B4GALT6: variants seen among roughly 807,000 people sequenced by gnomAD.
B4GALT6 encodes UDP-Gal:beta-GlcNAc beta-1,4-galactosyltransferase 6.
In B4GALT6, 14 loss-of-function variants were observed where a neutral mutation model predicts 46.3. The ratio of observed to expected loss-of-function variants is 0.30; its 90% CI spans 0.20 to 0.47. The LOEUF is 0.47. B4GALT6 is among the 20% of genes least tolerant of loss of function. B4GALT6 has a pLI of 0.99. For missense variants in B4GALT6, 386 were observed against 480.1 expected, an observed-to-expected ratio of 0.80 and a Z score of 1.83; for synonymous variants, 168 against 162.0, an observed-to-expected ratio of 1.04 and a Z score of -0.28.
intron 3 of B4GALT6, among the ~76,000 whole-genome samples, chr18:31,657,453 T>C (rs1567973300): frequency 6.6e-6 from 1 of 152,206 alleles, no homozygotes; most frequent in Non-Finnish European, 1.5e-5. Flanking sequence ...TAATTTCTCC[T>C]TTGAAACAAT....
rs990599918 is a variant in B4GALT6 at position 31,622,753 on chromosome 18, T to C, written c.*2861A>G. 6.6e-6 allele frequency: 1 copy of C among 152,060 alleles called. No homozygotes were observed. Among genetic ancestry groups the C allele is most frequent in the African/African-American group, 2.4e-5 (1 of 41,434 alleles). 9.4% of individuals were successfully genotyped at this position (152,060 alleles called of 1,614,324 possible). A position where few individuals can be genotyped will look rare whatever the true frequency, so the allele number is the denominator to read the frequency against. On this transcript the variant is annotated 3_prime_UTR_variant, in exon 9 of 9. Coordinates refer to ENST00000306851, the MANE Select transcript of B4GALT6 (RefSeq NM_004775.5). Reference sequence around the variant, plus strand: ...ACAAAAACAAAAACTTAAATGTAGATTTAAAAAATACTCATAAAACCCTAG... The same window carrying C: ...ACAAAAACAAAAACTTAAATGTAGACTTAAAAAATACTCATAAAACCCTAG...
chr18:31,636,618 T>C (rs1237942475), intron 5 of B4GALT6, among the ~76,000 whole-genome samples: 4 of 152,142 alleles, frequency 2.6e-5, no homozygotes, highest in Non-Finnish European at 5.9e-5. Context: ...GTAAAGCAAT[T>C]GGAAAGGTCA....
chr18:31,704,844 A>G, the B4GALT6 span, among the ~76,000 whole-genome samples: 1 of 152,238 alleles, frequency 6.6e-6, no homozygotes, highest in African/African-American at 2.4e-5. Context: ...GAAAATGAAA[A>G]GACTCACGTG....
chr18:31,647,919 T>C (rs2074012500), intron 3 of B4GALT6, among the ~76,000 whole-genome samples: 1 of 152,182 alleles, frequency 6.6e-6, no homozygotes, highest in Non-Finnish European at 1.5e-5. Context: ...ACAGCCACTT[T>C]CATCTCTTTC....
intron 3 of B4GALT6, among the ~76,000 whole-genome samples, chr18:31,649,369 G>A (rs1224857647): frequency 6.6e-6 from 1 of 152,062 alleles, no homozygotes; most frequent in Non-Finnish European, 1.5e-5. Flanking sequence ...GACACAGAAT[G>A]AATGAATGAA....
chr18:31,665,355 A>G (rs532622000), intron 2 of B4GALT6, among the ~76,000 whole-genome samples: 5 of 152,198 alleles, frequency 3.3e-5, no homozygotes, highest in Admixed American at 6.5e-5. Context: ...ATTTACATCA[A>G]TTCTACCATC....
chr18:31,716,510 T>C, the B4GALT6 span, among the ~76,000 whole-genome samples: 1 of 152,198 alleles, frequency 6.6e-6, no homozygotes. Flanking sequence ...CTGTGCCTCA[T>C]CTAACTCCAC....
intron 1 of B4GALT6, among the ~76,000 whole-genome samples, chr18:31,679,374 T>C (rs2074452520): frequency 1.3e-5 from 2 of 152,226 alleles, no homozygotes; most frequent in South Asian, 2.1e-4. Context: ...ATATGCTACT[T>C]AGGAATGGCA....
upstream of B4GALT6, among the ~76,000 whole-genome samples, chr18:31,687,041 T>G (rs575768142): frequency 3.3e-5 from 5 of 152,360 alleles, no homozygotes; most frequent in Admixed American, 2.6e-4. Context: ...TGAACCTAGC[T>G]GGCATAGATG....
At position 31,675,911 on chromosome 18, in the gene B4GALT6, T is replaced by C. The variant is rs1450578734; in HGVS notation, c.115+8401A>G. On this transcript the variant is annotated intron_variant, in intron 1 of 8. Coordinates refer to ENST00000306851, the MANE Select transcript of B4GALT6 (RefSeq NM_004775.5). The stretch of plus-strand genomic sequence containing the variant: ...GTTTTATAATCACCTCCAATTTACT[T>C]GTGTTTTCACAATTAAAATACCTTT... Among the ~76,000 whole-genome samples the C allele has an allele frequency of 2.0e-5, 3 of 152,318 alleles. No individual in the cohort carries two copies. The East Asian group carries it at 5.8e-4, about 29-fold the overall frequency.
the B4GALT6 span, among the ~76,000 whole-genome samples, chr18:31,710,009 T>C: frequency 1.7e-4 from 25 of 151,156 alleles, no homozygotes; most frequent in African/African-American, 6.1e-4. Flanking sequence ...ACAGGAGAAT[T>C]GCTTGAACCC....
intron 1 of B4GALT6, among the ~76,000 whole-genome samples, chr18:31,673,497 C>A (rs150641233): frequency 1.3e-5 from 2 of 152,008 alleles, no homozygotes; most frequent in East Asian, 1.9e-4. Flanking sequence ...AGGATGGACA[C>A]GGGGGACAAA....
At chr18:31,633,968 C>T (rs981218101) in intron 5 of B4GALT6, among the ~76,000 whole-genome samples, 7 of 152,168 alleles carry the variant, frequency 4.6e-5, no homozygotes, top group Admixed American at 4.6e-4. Context: ...TAAATGAAAC[C>T]GGGCTGCAGG....
intron 1 of B4GALT6, among the ~76,000 whole-genome samples, chr18:31,666,928 T>C (rs2074289750): frequency 6.6e-6 from 1 of 152,152 alleles, no homozygotes; most frequent in Non-Finnish European, 1.5e-5. Flanking sequence ...ACTTTTACAC[T>C]CCCTTTCAAT....
upstream of B4GALT6, among the ~76,000 whole-genome samples, chr18:31,688,260 C>CATATATATATATATACACAT (rs549734087): frequency 1.4e-5 from 2 of 140,786 alleles, no homozygotes; most frequent in South Asian, 4.2e-4. Context: ...TATATATATA[C>CATATATATATATATACACAT]ATATATATAT....
intron 1 of B4GALT6, among the ~76,000 whole-genome samples, chr18:31,672,906 A>G (rs917510064): frequency 2.7e-4 from 41 of 152,232 alleles, no homozygotes; most frequent in African/African-American, 9.9e-4. Flanking sequence ...CCTTTAAGAC[A>G]GCAGCTTCAG....
At chr18:31,648,796 T>A (rs972418577) in intron 3 of B4GALT6, among the ~76,000 whole-genome samples, 1 of 152,246 alleles carries the variant, frequency 6.6e-6, no homozygotes, top group Non-Finnish European at 1.5e-5. Flanking sequence ...TTCTAACATT[T>A]CAAGTAAAAT....
chr18:31,687,678 C>T (rs1286647131), upstream of B4GALT6, among the ~76,000 whole-genome samples: 2 of 152,064 alleles, frequency 1.3e-5, no homozygotes, highest in Admixed American at 6.5e-5. Context: ...TATTTAATGG[C>T]TTTGTTCTAA....
rs1480619873 is a variant in B4GALT6 at position 31,623,206 on chromosome 18, A to G, written c.*2408T>C. The G allele has an allele frequency of 6.6e-6, 1 of 152,102 alleles. No homozygotes were observed. Among genetic ancestry groups the G allele is most frequent in the East Asian group, 1.9e-4 (1 of 5,204 alleles). The allele number at this position is 152,102 out of a possible 1,614,324, so 9.4% of individuals were successfully genotyped here. ...GCAATGTATTTGTTAATCTTTATGT[A>G]ATAATTAATACAATGAAGATAAACG... On this transcript the variant is annotated 3_prime_UTR_variant, in exon 9 of 9. Coordinates refer to ENST00000306851, the MANE Select transcript of B4GALT6 (RefSeq NM_004775.5).
Sources: allele counts gnomAD v4.1 joint callset (sites outside exome capture counted in the v4.1 genomes callset), GRCh38; gene constraint gnomAD v4.1.1; transcripts MANE v1.5; gene names NCBI Gene and HGNC (gene_info 2026-07-23, HGNC 2026-07-21).